RANBP3: variants seen among roughly 807,000 people sequenced by gnomAD.
RANBP3 encodes the protein ran-binding protein 3.
A neutral mutation model predicts 77.3 loss-of-function variants in RANBP3; 14 were observed. The ratio of observed to expected loss-of-function variants is 0.18; its 90% CI spans 0.12 to 0.28. RANBP3 has a LOEUF of 0.28. Among genes scored for constraint, RANBP3 ranks in the 10% least tolerant of loss-of-function variants. The probability of loss-of-function intolerance (pLI) is 1.00; values close to 1 mark genes in which losing one functional copy is unlikely to be tolerated. For missense variants in RANBP3, 586 were observed against 752.3 expected (o/e 0.78, Z 2.59); for synonymous variants, 315 against 312.4 (o/e 1.01, Z -0.09).
Position 5,958,240 on chromosome 19 carries a change from G to A in RANBP3, c.23-267C>T, listed in dbSNP as rs142985573. ...GGAGTTTTCAAGACTCACTGAGAGCGGGCGTGTAAATGGGAGTGGGAGAGC... is the reference window on the plus strand; with the variant it reads ...GGAGTTTTCAAGACTCACTGAGAGCAGGCGTGTAAATGGGAGTGGGAGAGC... On this transcript the variant is annotated intron_variant, in intron 1 of 16. Transcript: ENST00000340578. This position sits in a 1 kb window ranked among gnomAD's most constrained non-coding sequence, Gnocchi z 4.4. Among the ~76,000 whole-genome samples the A allele has an allele frequency of 1.5e-3, 235 of 152,292 alleles. 5 individuals are homozygous for A. In the East Asian group the frequency reaches 0.027, roughly 18 times the overall value.
chr19:5,974,500 C>G (rs1048408102), intron 1 of RANBP3: 2 of 152,066 alleles, frequency 1.3e-5, no homozygotes, highest in South Asian at 2.1e-4. Flanking sequence ...GAGACTTATC[C>G]CTGGATGCAA....
In RANBP3 at chr19:5,917,992, G is replaced by C. The variant is rs772238194; in HGVS notation, c.1474-12C>G. The C allele has an allele frequency of 6.3e-7, 1 of 1,578,068 alleles. No homozygotes were observed. Among genetic ancestry groups the C allele is most frequent in the African/African-American group, 1.3e-5 (1 of 74,248 alleles). On this transcript the variant is annotated splice_polypyrimidine_tract_variant and intron_variant, in intron 15 of 16. Transcript: ENST00000340578. ...TCCTTGGAGCTGGCCTGGGAAGGGA[G>C]GAGGGTATGAGACCCCCGGACCCCA...
chr19:5,972,769 T>A (rs559275107), intron 1 of RANBP3, among the ~76,000 whole-genome samples: 2 of 152,032 alleles, frequency 1.3e-5, no homozygotes, highest in African/African-American at 4.8e-5. Flanking sequence ...CACCCCAAGC[T>A]CCTCCAAATG....
chr19:5,970,868 T>G (rs1209111883), intron 1 of RANBP3, among the ~76,000 whole-genome samples: 2 of 152,210 alleles, frequency 1.3e-5, no homozygotes, highest in African/African-American at 4.8e-5. Flanking sequence ...AACTTGCCCA[T>G]GTTTCTAGGG....
In RANBP3 at chr19:5,978,042, C is replaced by T; in HGVS notation, c.22+19G>A. 1 of 1,609,966 alleles carries T rather than the reference C, an allele frequency of 6.2e-7. No individual in the cohort carries two copies. On this transcript the variant is annotated intron_variant, in intron 1 of 16. Coordinates refer to ENST00000340578, the MANE Select transcript of RANBP3 (RefSeq NM_007322.3). The stretch of plus-strand genomic sequence containing the variant: ...CCGTTCCCCGGCCGCCAGCCGGTCC[C>T]CAACGGCGCCTCCCCTACCTTCGTT...
chr19:5,924,208 G>C lies in RANBP3; in HGVS notation c.997-294C>G, dbSNP rs977266138. ...AAAGCACAGCGTGGCCACGAAGGAA[G>C]AGAAGCTGCAGAGTACTTAATGCAG... is the stretch of plus-strand genomic sequence containing the variant. On this transcript the variant is annotated intron_variant, in intron 11 of 16. Coordinates refer to ENST00000340578, the MANE Select transcript of RANBP3 (RefSeq NM_007322.3). The surrounding 1 kb of genome is among the most constrained non-coding windows in gnomAD (Gnocchi z 4.7). Among the ~76,000 whole-genome samples, 3 of 152,252 alleles carry C rather than the reference G, an allele frequency of 2.0e-5. No homozygotes were observed. Among genetic ancestry groups the C allele is most frequent in the African/African-American group, 4.8e-5 (2 of 41,466 alleles).
chr19:5,932,648 A>G (rs1003915425), intron 6 of RANBP3, 104 bp from the exon 7 acceptor site: 2 of 842,598 alleles, frequency 2.4e-6, no homozygotes, highest in Non-Finnish European at 3.8e-6. Flanking sequence ...CTTGCAGGCT[A>G]GACTTTGCAG....
At chr19:5,947,313 CAAAAA>C (rs74173074) in intron 3 of RANBP3, among the ~76,000 whole-genome samples, 1 of 77,854 alleles carries the variant, frequency 1.3e-5, no homozygotes. Context: ...GACTCTGTCT[CAAAAA>C]AAAAAAAAAA....
At chr19:5,937,055 C>A (rs2058073820) in intron 5 of RANBP3, among the ~76,000 whole-genome samples, 1 of 7,156 alleles carries the variant, frequency 1.4e-4, no homozygotes, top group Admixed American at 2.5e-3. Context: ...GACTCTGTCT[C>A]CAAAAAAAAA....
At chr19:5,937,673 G>A (rs2058083982) in intron 5 of RANBP3, among the ~76,000 whole-genome samples, 1 of 152,218 alleles carries the variant, frequency 6.6e-6, no homozygotes, top group African/African-American at 2.4e-5. Flanking sequence ...AGTTGGGTTT[G>A]CAGAACTGAT....
At position 5,947,922 on chromosome 19, in the gene RANBP3, T is replaced by C. The variant is rs566635357; in HGVS notation, c.282+3471A>G. On this transcript the variant is annotated intron_variant, in intron 3 of 16. Transcript: ENST00000340578. ...GGAAGCTTGTTCTTTGCCTAAGGAA[T>C]GAAACAGTGAAAATCATGGTTGTCA... Among the ~76,000 whole-genome samples the C allele has an allele frequency of 2.5e-4, 38 of 152,290 alleles. No individual in the cohort carries two copies. The East Asian group carries it at 7.1e-3, about 29-fold the overall frequency.
intron 1 of RANBP3, among the ~76,000 whole-genome samples, chr19:5,964,979 T>C (rs1433641959): frequency 6.6e-6 from 1 of 152,036 alleles, no homozygotes; most frequent in Non-Finnish European, 1.5e-5. Context: ...ATTGAAGCAG[T>C]TCCTATGACA....
intron 12 of RANBP3, 78 bp from the exon 13 acceptor site, chr19:5,923,381 G>T: frequency 1.4e-6 from 2 of 1,443,366 alleles, no homozygotes; most frequent in Non-Finnish European, 1.9e-6. Context: ...GACAGGAGAT[G>T]AGAGGGTTGG....
chr19:5,932,633 T>TA lies in RANBP3; in HGVS notation c.473-90_473-89insT, dbSNP rs2058009050. 4.8e-6 allele frequency: 5 copies of TA among 1,035,072 alleles called. No individual in the cohort carries two copies. The African/African-American group carries it at 8.0e-5, about 17-fold the overall frequency. 64.1% of individuals were successfully genotyped at this position (1,035,072 alleles called of 1,614,324 possible). On this transcript the variant is annotated intron_variant, in intron 6 of 16. Transcript: ENST00000340578. The stretch of plus-strand genomic sequence containing the variant: ...GACTGACCCCTGGCATCCCATTTCA[T>TA]GCCCCTTGCAGGCTAGACTTTGCAG...
chr19:5,963,419 C>T (rs553787504), intron 1 of RANBP3, among the ~76,000 whole-genome samples: 18 of 152,214 alleles, frequency 1.2e-4, no homozygotes, highest in Non-Finnish European at 5.9e-5. Flanking sequence ...GGCATGGTGG[C>T]GCACTCCTGT....
At chr19:5,918,447 A>C in intron 15 of RANBP3, 49 bp downstream of exon 15, 3 of 1,248,196 alleles carry the variant, frequency 2.4e-6, no homozygotes, top group Non-Finnish European at 3.1e-6. Flanking sequence ...GAACCCCCAC[A>C]GGGCTGGCAG....
At chr19:5,940,209 T>C (rs1385640479) in intron 5 of RANBP3, among the ~76,000 whole-genome samples, 2 of 152,128 alleles carry the variant, frequency 1.3e-5, no homozygotes, top group Non-Finnish European at 2.9e-5. Context: ...GGGAGAAGAA[T>C]GGTGGTCCCT....
intron 1 of RANBP3, among the ~76,000 whole-genome samples, chr19:5,962,328 T>G (rs1211444044): frequency 1.3e-5 from 2 of 152,158 alleles, no homozygotes; most frequent in East Asian, 1.9e-4. Flanking sequence ...GTGTTTGCAC[T>G]TGGTGACCAG....
chr19:5,928,078 G>A lies in RANBP3; in HGVS notation c.703C>T (p.Pro235Ser), dbSNP rs1018664750. The A allele has an allele frequency of 8.7e-6, 14 of 1,609,646 alleles. No homozygotes were observed. The highest frequency in any genetic ancestry group is 1.3e-5 in the African/African-American group (1 of 74,388). ...DEVCALEEKE[P>S]QKNESSNASE... ...GCATTGCTGGACTCATTTTTCTGGG[G>A]CTCTTTCTCCTATCAAAAACCAAAA... Residue 235 changes from proline to serine, a missense_variant, in exon 9 of 17, where the codon CCC becomes TCC. Pro to Ser is a moderately conservative substitution (Grantham distance 74). Transcript: ENST00000340578.
Sources: allele counts gnomAD v4.1 joint callset (sites outside exome capture counted in the v4.1 genomes callset), GRCh38; gene constraint gnomAD v4.1.1; non-coding constraint Gnocchi (gnomAD v3.1); transcripts MANE v1.5; gene names NCBI Gene and HGNC (gene_info 2026-07-23, HGNC 2026-07-21).